The following PTBP3 variants were observed in gnomAD, a reference collection of about 807,000 sequenced individuals.
PTBP3 encodes the protein polypyrimidine tract-binding protein 3.
A neutral mutation model predicts 58.7 loss-of-function variants in PTBP3; 20 were observed. That is an observed-to-expected ratio of 0.34 (90% CI 0.24 to 0.50). The LOEUF is 0.50. Ranked by LOEUF, PTBP3 falls within the 20% of genes least tolerant of loss-of-function variation. The pLI is 0.98. For synonymous variants in PTBP3, 185 were observed against 219.8 expected (o/e 0.84, Z 1.40); for missense variants, 509 against 637.2 (o/e 0.80, Z 2.17).
chr9:112,267,976 T>C, intron 4 of PTBP3, 73 bp downstream of exon 4: 1 of 1,343,316 alleles, frequency 7.4e-7, no homozygotes, highest in Non-Finnish European at 1.0e-6. Flanking sequence ...TAATTTTTCT[T>C]CATCTGTAAA....
At chr9:112,378,128 C>A in the PTBP3 span, among the ~76,000 whole-genome samples, 2 of 152,178 alleles carry the variant, frequency 1.3e-5, no homozygotes, top group Non-Finnish European at 2.9e-5. Flanking sequence ...CATTCCTCAC[C>A]TCTAGCATTA....
intron 2 of PTBP3, among the ~76,000 whole-genome samples, chr9:112,292,468 T>C (rs1472935038): frequency 6.6e-6 from 1 of 152,174 alleles, no homozygotes; most frequent in Non-Finnish European, 1.5e-5. Context: ...AAGAGATATC[T>C]GCACACCATG....
chr9:112,290,697 T>TACACAC (rs1212533738), intron 2 of PTBP3, among the ~76,000 whole-genome samples: 2,152 of 61,886 alleles, frequency 0.035, 29 homozygotes, highest in Admixed American at 0.049. Flanking sequence ...AATATATATA[T>TACACAC]ATATATATAT....
chr9:112,266,405 C>CT (rs1409506009), intron 4 of PTBP3, among the ~76,000 whole-genome samples: 13 of 152,166 alleles, frequency 8.5e-5, no homozygotes, highest in Admixed American at 8.5e-4. Flanking sequence ...TGGTGGCACT[C>CT]TAAGCACATA....
intron 1 of PTBP3, among the ~76,000 whole-genome samples, chr9:112,310,166 A>G (rs1301796795): frequency 2.0e-5 from 3 of 152,244 alleles, no homozygotes; most frequent in African/African-American, 7.2e-5. Flanking sequence ...ATTCTAGGGC[A>G]GTGGGAACAA....
the PTBP3 span, among the ~76,000 whole-genome samples, chr9:112,379,734 G>A: frequency 1.3e-5 from 2 of 152,236 alleles, no homozygotes; most frequent in Non-Finnish European, 2.9e-5. Flanking sequence ...CCAAGCTCAG[G>A]GCTCAGTCAC....
chr9:112,334,522 G>T (rs185079846), upstream of PTBP3, among the ~76,000 whole-genome samples: 18 of 152,124 alleles, frequency 1.2e-4, no homozygotes, highest in Admixed American at 2.6e-4. Context: ...TCCCTTTTTA[G>T]TGAGAAATTG....
Position 112,252,671 on chromosome 9 carries a change from T to C in PTBP3, c.627+7A>G, listed in dbSNP as rs770584443. 6.4e-7 allele frequency: 1 copy of C among 1,554,602 alleles called. No individual in the cohort carries two copies. Among genetic ancestry groups the C allele is most frequent in the Non-Finnish European group, 8.9e-7 (1 of 1,126,726 alleles). ...CAATTGAAAAATGAAACAAAGATCA[T>C]AATTACCATTTTGGCATAATGTGCA... On this transcript the variant is annotated splice_region_variant and intron_variant, in intron 6 of 13. Transcript: ENST00000374257.
chr9:112,299,475 G>T (rs1458438913), intron 1 of PTBP3, among the ~76,000 whole-genome samples: 1 of 152,048 alleles, frequency 6.6e-6, no homozygotes, highest in African/African-American at 2.4e-5. Flanking sequence ...AACCAACAAA[G>T]GGTTTATATC....
rs56704494 is a variant in PTBP3, at chr9:112,299,783, T to C, written c.-51-1867A>G. On this transcript the variant is annotated intron_variant, in intron 1 of 13. Coordinates refer to ENST00000374257, the MANE Select transcript of PTBP3 (RefSeq NM_001163788.4). ...ATGGAACATGAATGGACATGACCTA[T>C]ACTTAATCCAAACAGTAACTTCAAA... is the stretch of plus-strand genomic sequence containing the variant. 2.9e-3 allele frequency among the ~76,000 whole-genome samples: 449 copies of C among 152,332 alleles called. 3 individuals carry two copies. Among genetic ancestry groups the C allele is most frequent in the Middle Eastern group, 0.014 (4 of 294 alleles).
At chr9:112,316,555 A>T (rs879299802) in intron 1 of PTBP3, among the ~76,000 whole-genome samples, 1 of 152,214 alleles carries the variant, frequency 6.6e-6, no homozygotes, top group Admixed American at 6.5e-5. Flanking sequence ...CAGAAAACCC[A>T]AGTAACCCAC....
chr9:112,274,341 T>C (rs1827515683), intron 3 of PTBP3, among the ~76,000 whole-genome samples: 1 of 152,354 alleles, frequency 6.6e-6, no homozygotes, highest in South Asian at 2.1e-4. Flanking sequence ...AAACCTATTA[T>C]TTATCAAAAG....
chr9:112,244,266 G>A (rs1171984791), intron 7 of PTBP3, among the ~76,000 whole-genome samples: 2 of 69,962 alleles, frequency 2.9e-5, no homozygotes, highest in Non-Finnish European at 5.7e-5. Context: ...CTCCAGCCTG[G>A]GCAACAGAGT....
chr9:112,272,475 T>C (rs1774023521), intron 3 of PTBP3: 1 of 152,224 alleles, frequency 6.6e-6, no homozygotes, highest in African/African-American at 2.4e-5. Context: ...CCACTCCTGA[T>C]CCAAATCAAC....
intron 7 of PTBP3, among the ~76,000 whole-genome samples, chr9:112,238,957 T>C (rs1449990562): frequency 2.6e-5 from 4 of 152,184 alleles, no homozygotes; most frequent in Non-Finnish European, 5.9e-5. Context: ...CATGTCTGAG[T>C]TGCAAGAAGG....
At chr9:112,305,888 C>A (rs572290241) in intron 1 of PTBP3, among the ~76,000 whole-genome samples, 1 of 151,970 alleles carries the variant, frequency 6.6e-6, no homozygotes, top group Non-Finnish European at 1.5e-5. Context: ...TGCAGTGAGC[C>A]GAGACCGCGC....
At chr9:112,245,386 A>G (rs1193477878) in intron 7 of PTBP3, among the ~76,000 whole-genome samples, 1 of 152,214 alleles carries the variant, frequency 6.6e-6, no homozygotes, top group Non-Finnish European at 1.5e-5. Context: ...TCTAAGATTG[A>G]GCAAATAAGT....
At chr9:112,296,255 A>AAC (rs1213788004) in intron 2 of PTBP3, among the ~76,000 whole-genome samples, 1 of 152,156 alleles carries the variant, frequency 6.6e-6, no homozygotes, top group African/African-American at 2.4e-5. Context: ...ATCAGATGTT[A>AAC]ACTTTTTAAT....
intron 1 of PTBP3, among the ~76,000 whole-genome samples, chr9:112,326,079 G>A (rs951383777): frequency 1.1e-4 from 17 of 152,098 alleles, no homozygotes; most frequent in Admixed American, 2.6e-4. Flanking sequence ...TGCCTAAACT[G>A]GGTCTGGAAA....
Sources: allele counts gnomAD v4.1 joint callset (sites outside exome capture counted in the v4.1 genomes callset), GRCh38; gene constraint gnomAD v4.1.1; transcripts MANE v1.5; gene names NCBI Gene and HGNC (gene_info 2026-07-23, HGNC 2026-07-21).